Variants in AMZ2 observed in about 807,000 individuals in gnomAD.
The protein encoded by AMZ2 is archaelysin family metallopeptidase 2.
Under a neutral mutation model 36.7 loss-of-function variants are expected in AMZ2, and 26 were observed. That is an observed-to-expected ratio of 0.71 (90% CI 0.52 to 0.98). AMZ2 has a LOEUF of 0.98. Among genes scored for constraint, AMZ2 ranks in the 50% least tolerant of loss-of-function variants. The pLI, the probability that AMZ2 is intolerant of heterozygous loss-of-function variation, is 0.00. For synonymous variants in AMZ2, 144 were observed against 149.1 expected (o/e 0.97, Z 0.25); for missense variants, 394 against 430.5 (o/e 0.92, Z 0.75).
At chr17:68,209,237 A>G (rs1312561143) in intron 1 of AMZ2, among the ~76,000 whole-genome samples, 2 of 147,672 alleles carry the variant, frequency 1.4e-5, no homozygotes, top group African/African-American at 5.1e-5. Flanking sequence ...TCTGTCGCCT[A>G]GGCTGGAGTG....
intron 1 of AMZ2, among the ~76,000 whole-genome samples, chr17:68,233,877 A>G (rs2073727491): frequency 6.6e-6 from 1 of 151,962 alleles, no homozygotes; most frequent in Non-Finnish European, 1.5e-5. Context: ...GCACGCCACC[A>G]CACCTGCTTA....
intron 1 of AMZ2, among the ~76,000 whole-genome samples, chr17:68,227,527 C>T (rs1379295345): frequency 1.3e-5 from 2 of 152,202 alleles, no homozygotes; most frequent in African/African-American, 2.4e-5. Flanking sequence ...GCACTGGCTG[C>T]GGGCTCCAGG....
intron 1 of AMZ2, among the ~76,000 whole-genome samples, chr17:68,209,632 A>ATTTTTTTTTTTTTTTTTTTT (rs1224207690): frequency 1.1e-5 from 1 of 90,698 alleles, no homozygotes; most frequent in African/African-American, 5.0e-5. Context: ...ATATATATAT[A>ATTTTTTTTTTTTTTTTTTTT]TTTTTTTTTT....
At chr17:68,247,428 GCTCAGCC>G (rs1479341077), upstream of AMZ2, 1 of 155,516 alleles carries the variant, frequency 6.4e-6, no homozygotes, top group Non-Finnish European at 1.4e-5. Context: ...TACAGAGCTA[GCTCAGCC>G]CTAATGCCGG....
At chr17:68,210,222 CA>C (rs1228138601) in intron 1 of AMZ2, among the ~76,000 whole-genome samples, 3 of 152,096 alleles carry the variant, frequency 2.0e-5, no homozygotes, top group Non-Finnish European at 2.9e-5. Context: ...AATGGTCATG[CA>C]AAAACGTATA....
chr17:68,224,324 G>T (rs2073454773), intron 1 of AMZ2, among the ~76,000 whole-genome samples: 1 of 152,176 alleles, frequency 6.6e-6, no homozygotes, highest in Non-Finnish European at 1.5e-5. Flanking sequence ...GGGTGCTTCT[G>T]TGATCGGTAA....
At chr17:68,229,644 C>T (rs2073610549) in intron 1 of AMZ2, among the ~76,000 whole-genome samples, 1 of 152,212 alleles carries the variant, frequency 6.6e-6, no homozygotes, top group Non-Finnish European at 1.5e-5. Flanking sequence ...GGTGCTGTTC[C>T]CTGTCTGGGG....
intron 4 of AMZ2, among the ~76,000 whole-genome samples, chr17:68,251,984 A>G (rs2074516037): frequency 6.6e-6 from 1 of 151,588 alleles, no homozygotes; most frequent in Non-Finnish European, 1.5e-5. Flanking sequence ...AATATTAGGG[A>G]TGGGAAAGGT....
intron 5 of AMZ2, among the ~76,000 whole-genome samples, chr17:68,255,010 G>T (rs1216448522): frequency 6.6e-6 from 1 of 152,184 alleles, no homozygotes; most frequent in East Asian, 1.9e-4. Context: ...TCCCCAACTC[G>T]GTTTTGTGGA....
intron 1 of AMZ2, among the ~76,000 whole-genome samples, chr17:68,208,112 C>G (rs2072899183): frequency 6.6e-6 from 1 of 152,140 alleles, no homozygotes; most frequent in African/African-American, 2.4e-5. Flanking sequence ...CCGTGGGCTC[C>G]TGTGTGGCCT....
intron 1 of AMZ2, among the ~76,000 whole-genome samples, chr17:68,221,098 T>A (rs1452808346): frequency 6.6e-6 from 1 of 151,902 alleles, no homozygotes; most frequent in Non-Finnish European, 1.5e-5. Context: ...CTTTTTCTTT[T>A]TTGAGGCAGA....
chr17:68,250,681 A>T, intron 2 of AMZ2, 113 bp from the exon 3 acceptor site: 7 of 1,204,050 alleles, frequency 5.8e-6, no homozygotes, highest in Non-Finnish European at 8.1e-6. Flanking sequence ...GATAAAGGTT[A>T]TTGAAAATTT....
intron 1 of AMZ2, among the ~76,000 whole-genome samples, chr17:68,233,297 T>C (rs2144609813): frequency 6.6e-6 from 1 of 152,054 alleles, no homozygotes; most frequent in African/African-American, 2.4e-5. Context: ...TCACCTGAGG[T>C]CAGGAGGTCG....
At chr17:68,207,755 C>T (rs7502197) in intron 1 of AMZ2, among the ~76,000 whole-genome samples, 23,534 of 152,266 alleles carry the variant, frequency 0.15, 1,981 homozygotes, top group African/African-American at 0.21. Context: ...CCACTCTGGG[C>T]GCGCTTGAGG....
In AMZ2 at chr17:68,250,261, A is replaced by G. The variant is rs782546041; in HGVS notation, c.74A>G (p.Gln25Arg). ...LISKNPVLVS[Q>R]YEKLNAGEQR... ...TCAAAGAACCCAGTGCTTGTATCAC[A>G]GTATGAGAAATTAAATGCTGGGGAA... The change falls in exon 2 of 7, where the codon CAG (glutamine) becomes CGG (arginine). Residue 25 changes from glutamine (Q) to arginine (R), a missense_variant. Coordinates refer to ENST00000359904, the MANE Select transcript of AMZ2 (RefSeq NM_016627.5). 6.2e-7 allele frequency: 1 copy of G among 1,614,228 alleles called. No individual in the cohort carries two copies. Among genetic ancestry groups the G allele is most frequent in the Non-Finnish European group, 8.5e-7 (1 of 1,180,036 alleles).
chr17:68,214,617 C>T (rs2073148659), intron 1 of AMZ2, among the ~76,000 whole-genome samples: 1 of 152,106 alleles, frequency 6.6e-6, no homozygotes, highest in African/African-American at 2.4e-5. Context: ...AGACACCCCT[C>T]CTTGTTATCA....
Position 68,250,392 on chromosome 17 carries a change from G to A in AMZ2, c.205G>A (p.Asp69Asn). The stretch of plus-strand genomic sequence containing the variant: ...CACCTCCCACCCTGAGGCTCCCCAA[G>A]ACTTTGAACAGTTCTTCAGTGATCC... ...WITSHPEAPQDFEQFFSDPYR... is the reference protein window; with the variant it reads ...WITSHPEAPQNFEQFFSDPYR... Residue 69 changes from aspartate to asparagine, a missense_variant, in exon 2 of 7, where the codon GAC becomes AAC. Transcript: ENST00000359904. 2 of 1,614,118 alleles carry A rather than the reference G, an allele frequency of 1.2e-6. No homozygotes were observed. The highest frequency in any genetic ancestry group is 1.7e-6 in the Non-Finnish European group (2 of 1,180,034).
intron 1 of AMZ2, among the ~76,000 whole-genome samples, chr17:68,209,618 ATATATATATATATATTT>A (rs1568337513): frequency 8.9e-5 from 7 of 78,738 alleles, no homozygotes; most frequent in African/African-American, 5.1e-4. Flanking sequence ...ATGTATATAT[ATATATATATATATATTT>A]TTTTTTTTTT....
intron 6 of AMZ2, among the ~76,000 whole-genome samples, chr17:68,256,568 G>C (rs1370511821): frequency 6.6e-6 from 1 of 152,218 alleles, no homozygotes; most frequent in Non-Finnish European, 1.5e-5. Context: ...GTAAGAATGA[G>C]TGTATTTCTT....
Sources: gnomAD v4.1 joint callset for allele counts (sites outside exome capture counted in the v4.1 genomes callset) on GRCh38, gnomAD v4.1.1 for gene constraint, MANE v1.5 for transcripts, NCBI Gene and HGNC (gene_info 2026-07-23, HGNC 2026-07-21) for gene names.